Variants in IL1RAPL2 observed in about 807,000 individuals in gnomAD.
IL1RAPL2 encodes the protein X-linked interleukin-1 receptor accessory protein-like 2.
IL1RAPL2 carries 3 observed loss-of-function variants against 44.1 expected under a neutral mutation model. The observed-to-expected ratio is 0.07, with a 90% CI of 0.03 to 0.18. IL1RAPL2 has a LOEUF of 0.18. Among genes scored for constraint, IL1RAPL2 ranks in the 10% least tolerant of loss-of-function variants. IL1RAPL2 has a pLI of 1.00. For synonymous variants in IL1RAPL2, 181 were observed against 178.8 expected (o/e 1.01, Z -0.10); for missense variants, 391 against 496.4 (o/e 0.79, Z 2.02).
At chrX:105,613,755 C>A (rs2037353093) in intron 6 of IL1RAPL2, among the ~76,000 whole-genome samples, 1 of 111,722 alleles carries the variant, frequency 9.0e-6, no homozygotes, top group African/African-American at 3.3e-5. Flanking sequence ...CCTTTGCCTG[C>A]AGAAAGGGGA....
intron 1 of IL1RAPL2, among the ~76,000 whole-genome samples, chrX:104,579,341 A>G (rs1410468838): frequency 1.8e-5 from 2 of 111,969 alleles, no homozygotes; most frequent in African/African-American, 6.5e-5. Flanking sequence ...CATGGAATCA[A>G]CCTAAATGCC....
At chrX:105,219,438 A>C in intron 3 of IL1RAPL2, 2 of 1,209,384 alleles carry the variant, frequency 1.7e-6, no homozygotes, top group Non-Finnish European at 1.1e-6. Context: ...TTTCCTGATC[A>C]GCATCTCCAA....
Position 105,535,789 on chromosome X carries a change from G to A in IL1RAPL2, c.772+51402G>A, listed in dbSNP as rs192783484. Among the ~76,000 whole-genome samples the A allele has an allele frequency of 1.5e-3, 162 of 111,401 alleles. 1 individual carries two copies. The highest frequency in any genetic ancestry group is 5.0e-3 in the African/African-American group (154 of 30,670). On this transcript the variant is annotated intron_variant, in intron 6 of 10. Coordinates refer to ENST00000372582, the MANE Select transcript of IL1RAPL2 (RefSeq NM_017416.2). The stretch of plus-strand genomic sequence containing the variant: ...CAGAGGTTAGGAGTGAGGGGAGGGT[G>A]TGACTACAAAGCAGTAGCATGAAGG...
chrX:104,663,868 T>G (rs913255064), intron 2 of IL1RAPL2, among the ~76,000 whole-genome samples: 1 of 108,588 alleles, frequency 9.2e-6, no homozygotes, highest in African/African-American at 3.4e-5. Flanking sequence ...GGGAAATAAT[T>G]TTACAGTTCT....
At chrX:104,828,648 C>G (rs941398899) in intron 2 of IL1RAPL2, among the ~76,000 whole-genome samples, 32 of 112,212 alleles carry the variant, frequency 2.9e-4, no homozygotes, top group Non-Finnish European at 1.9e-4. Context: ...TAGCAGAGCT[C>G]GAGCGTTGTG....
intron 2 of IL1RAPL2, among the ~76,000 whole-genome samples, chrX:104,901,045 A>C (rs978919020): frequency 9.0e-5 from 10 of 110,749 alleles, no homozygotes; most frequent in Non-Finnish European, 1.9e-4. Flanking sequence ...GATTCCAACC[A>C]TTTCCAAGTG....
At chrX:105,130,800 G>A (rs1160417917) in intron 2 of IL1RAPL2, among the ~76,000 whole-genome samples, 2 of 110,723 alleles carry the variant, frequency 1.8e-5, no homozygotes, top group Admixed American at 1.9e-4. Flanking sequence ...CTTCAACTTT[G>A]TCAGTCAAGT....
chrX:105,730,137 A>AGAC (rs1234219449), intron 7 of IL1RAPL2, among the ~76,000 whole-genome samples: 1 of 111,339 alleles, frequency 9.0e-6, no homozygotes, highest in Non-Finnish European at 1.9e-5. Flanking sequence ...TCACCTGTAG[A>AGAC]GACACATATA....
In IL1RAPL2 at chrX:105,726,341, T is replaced by C. The variant is rs767808627; in HGVS notation, c.902+8845T>C. Among the ~76,000 whole-genome samples, 3 of 111,766 alleles carry C rather than the reference T, an allele frequency of 2.7e-5. No individual in the cohort carries two copies. In the East Asian group the frequency reaches 8.5e-4, roughly 32 times the overall value. On this transcript the variant is annotated intron_variant, in intron 7 of 10. Coordinates refer to ENST00000372582, the MANE Select transcript of IL1RAPL2 (RefSeq NM_017416.2). ...GGAAGAGCTGCTGCCCTTTAGTGAT[T>C]GAGGGTTCCTATAGGGCTAGACTGA...
At chrX:104,973,283 T>C (rs770619706) in intron 2 of IL1RAPL2, among the ~76,000 whole-genome samples, 4 of 111,993 alleles carry the variant, frequency 3.6e-5, no homozygotes, top group African/African-American at 6.5e-5. Context: ...TCAAAAGACT[T>C]ATAGCCAATT....
At chrX:105,074,413 G>C (rs2032258527) in intron 2 of IL1RAPL2, among the ~76,000 whole-genome samples, 1 of 111,380 alleles carries the variant, frequency 9.0e-6, no homozygotes. Context: ...CTCTGTTTTG[G>C]TACCAGTACC....
At chrX:105,453,190 AGGTC>A (rs1477146625) in intron 5 of IL1RAPL2, among the ~76,000 whole-genome samples, 13 of 111,865 alleles carry the variant, frequency 1.2e-4, no homozygotes, top group Non-Finnish European at 2.1e-4. Flanking sequence ...CATCAATCAA[AGGTC>A]TTATACCTTC....
chrX:105,381,887 A>G (rs1385546940), intron 5 of IL1RAPL2, among the ~76,000 whole-genome samples: 2 of 112,280 alleles, frequency 1.8e-5, no homozygotes, highest in Non-Finnish European at 3.8e-5. Context: ...CCTATTTAAT[A>G]AATGGTGCTG....
chrX:105,447,840 CATATAAATATATAAATAT>C (rs1263174015), intron 5 of IL1RAPL2, among the ~76,000 whole-genome samples: 1 of 81,756 alleles, frequency 1.2e-5, no homozygotes, highest in African/African-American at 4.9e-5. Flanking sequence ...ATATATTATA[CATATAAATATATAAATAT>C]ATATAAATAT....
At chrX:105,256,311 T>A (rs760982759) in intron 4 of IL1RAPL2, among the ~76,000 whole-genome samples, 36 of 108,523 alleles carry the variant, frequency 3.3e-4, no homozygotes, top group Non-Finnish European at 6.5e-4. Flanking sequence ...GATAGGCTAT[T>A]TATTATTGAC....
rs210426 is a variant in IL1RAPL2, at chrX:105,690,173, G to A, written c.773-27194G>A. Among the ~76,000 whole-genome samples, 900 of 110,247 alleles carry A rather than the reference G, an allele frequency of 8.2e-3. 10 individuals carry two copies. Among genetic ancestry groups the A allele is most frequent in the South Asian group, 0.068 (171 of 2,523 alleles). On this transcript the variant is annotated intron_variant, in intron 6 of 10. Coordinates refer to ENST00000372582, the MANE Select transcript of IL1RAPL2 (RefSeq NM_017416.2). ...CATGGCACATGTATACCTATGTATC[G>A]AACCTGCATGTTGTGCACATGTACC...
At chrX:105,260,189 G>A (rs1330243042) in intron 4 of IL1RAPL2, among the ~76,000 whole-genome samples, 2 of 112,205 alleles carry the variant, frequency 1.8e-5, no homozygotes, top group African/African-American at 3.2e-5. Context: ...TGTGCTGGGG[G>A]TCTGTTCTAG....
intron 5 of IL1RAPL2, among the ~76,000 whole-genome samples, chrX:105,449,583 C>CAA (rs35055233): frequency 2.3e-5 from 2 of 85,307 alleles, no homozygotes; most frequent in Non-Finnish European, 4.6e-5. Flanking sequence ...GACTCCGTCT[C>CAA]AAAAAAAAAA....
chrX:104,598,086 G>A (rs1230995993), intron 1 of IL1RAPL2, among the ~76,000 whole-genome samples: 4 of 112,077 alleles, frequency 3.6e-5, no homozygotes, highest in Non-Finnish European at 7.5e-5. Context: ...GTCCTCCAAA[G>A]AGTTATAGTT....
Sources: allele counts gnomAD v4.1 joint callset (sites outside exome capture counted in the v4.1 genomes callset), GRCh38; gene constraint gnomAD v4.1.1; transcripts MANE v1.5; gene names NCBI Gene and HGNC (gene_info 2026-07-23, HGNC 2026-07-21).